RPS6KC1: variants seen among roughly 807,000 people sequenced by gnomAD.
The protein encoded by RPS6KC1 is ribosomal protein S6 kinase C1.
RPS6KC1 carries 54 observed loss-of-function variants against 103.8 expected under a neutral mutation model. The observed-to-expected ratio is 0.52, with a 90% CI of 0.42 to 0.65. RPS6KC1 has a LOEUF of 0.65. Among genes scored for constraint, RPS6KC1 ranks in the 30% least tolerant of loss-of-function variants. The pLI, the probability that RPS6KC1 is intolerant of heterozygous loss-of-function variation, is 0.00. For missense variants in RPS6KC1, 1,151 were observed against 1,253.8 expected (o/e 0.92, Z 1.24); for synonymous variants, 439 against 438.7 (o/e 1.00, Z -0.01).
chr1:213,710,297 G>A, the RPS6KC1 span, among the ~76,000 whole-genome samples: 13 of 152,046 alleles, frequency 8.6e-5, no homozygotes, highest in African/African-American at 2.7e-4. Context: ...TTTTATCTTC[G>A]TTGGTTTAAA....
rs1188842457 is a variant in RPS6KC1, at chr1:213,274,348, G to A, written c.*1714G>A. 6.6e-6 allele frequency: 1 copy of A among 152,192 alleles called. No homozygotes were observed. The highest frequency in any genetic ancestry group is 2.4e-5 in the African/African-American group (1 of 41,450). The allele number at this position is 152,192 out of a possible 1,614,324, so 9.4% of individuals were successfully genotyped here. A position where few individuals can be genotyped will look rare whatever the true frequency, so the allele number is the denominator to read the frequency against. On this transcript the variant is annotated 3_prime_UTR_variant, in exon 15 of 15. Transcript: ENST00000366960. ...CTGGCCATTACAGAACTTCCTTCCAGAAGTGCCCTGTGACATGAAAGTAGG... is the reference window on the plus strand; with the variant it reads ...CTGGCCATTACAGAACTTCCTTCCAAAAGTGCCCTGTGACATGAAAGTAGG...
chr1:213,081,097 T>G (rs1411746173), intron 3 of RPS6KC1, among the ~76,000 whole-genome samples: 1 of 152,260 alleles, frequency 6.6e-6, no homozygotes, highest in Non-Finnish European at 1.5e-5. Flanking sequence ...GCCTCCAAGA[T>G]AGCCTCCTAT....
the RPS6KC1 span, among the ~76,000 whole-genome samples, chr1:213,836,949 G>A: frequency 6.6e-6 from 1 of 152,204 alleles, no homozygotes; most frequent in Admixed American, 6.5e-5. Flanking sequence ...AGTTCAGGAA[G>A]CACTTCATTT....
At chr1:213,646,363 G>A in the RPS6KC1 span, among the ~76,000 whole-genome samples, 2 of 152,214 alleles carry the variant, frequency 1.3e-5, no homozygotes, top group African/African-American at 4.8e-5. Context: ...AGAGACAGGA[G>A]TGTGGCCTGT....
the RPS6KC1 span, chr1:213,822,130 C>T: frequency 1.3e-5 from 2 of 152,172 alleles, no homozygotes; most frequent in Admixed American, 6.5e-5. Flanking sequence ...GTCCTGTGAG[C>T]CCCTTTGTGC....
chr1:213,671,550 G>A, the RPS6KC1 span, among the ~76,000 whole-genome samples: 1 of 152,244 alleles, frequency 6.6e-6, no homozygotes, highest in African/African-American at 2.4e-5. Flanking sequence ...GAAATGATAC[G>A]AGGCGGGCAT....
the RPS6KC1 span, among the ~76,000 whole-genome samples, chr1:213,336,403 C>T: frequency 1.6e-3 from 251 of 152,294 alleles, 1 homozygote; most frequent in African/African-American, 5.9e-3. Context: ...TATTAAATCC[C>T]TCTATATCAC....
At chr1:213,276,945 G>A (rs937174951), downstream of RPS6KC1, among the ~76,000 whole-genome samples, 4 of 152,114 alleles carry the variant, frequency 2.6e-5, no homozygotes, top group Admixed American at 1.3e-4. Context: ...GTCATATTTT[G>A]TGTGTTTATT....
chr1:213,394,527 C>T, the RPS6KC1 span, among the ~76,000 whole-genome samples: 1 of 152,248 alleles, frequency 6.6e-6, no homozygotes, highest in African/African-American at 2.4e-5. Context: ...CCTTACCTCC[C>T]TCGGTTTGGT....
At chr1:213,412,423 A>G in the RPS6KC1 span, among the ~76,000 whole-genome samples, 4 of 152,234 alleles carry the variant, frequency 2.6e-5, no homozygotes, top group Non-Finnish European at 5.9e-5. Context: ...AGAATGGTCT[A>G]GTTCCTGACC....
At chr1:213,749,055 C>T in the RPS6KC1 span, among the ~76,000 whole-genome samples, 1 of 152,202 alleles carries the variant, frequency 6.6e-6, no homozygotes, top group African/African-American at 2.4e-5. Flanking sequence ...ACAGTCCCTC[C>T]TCCTCTTCCT....
chr1:213,228,877 G>A (rs969746212), intron 8 of RPS6KC1, among the ~76,000 whole-genome samples: 66 of 152,274 alleles, frequency 4.3e-4, no homozygotes, highest in African/African-American at 1.5e-3. Context: ...GAAGTGCTTA[G>A]GAGGTAGAAT....
intron 10 of RPS6KC1, among the ~76,000 whole-genome samples, chr1:213,237,126 C>T (rs538689049): frequency 6.6e-6 from 1 of 152,060 alleles, no homozygotes; most frequent in South Asian, 2.1e-4. Context: ...CATTTTTTCC[C>T]CCATCTCAAA....
chr1:213,058,670 A>G (rs572786221), intron 1 of RPS6KC1, among the ~76,000 whole-genome samples: 8 of 152,274 alleles, frequency 5.3e-5, no homozygotes, highest in East Asian at 1.9e-4. Context: ...GCTTTATACT[A>G]TATCTTAAAA....
chr1:213,235,235 A>C (rs2094196766), intron 10 of RPS6KC1, among the ~76,000 whole-genome samples: 1 of 152,120 alleles, frequency 6.6e-6, no homozygotes, highest in Admixed American at 6.5e-5. Flanking sequence ...CTTTCTTTCC[A>C]TTTTTAATTC....
At chr1:213,694,770 A>G in the RPS6KC1 span, among the ~76,000 whole-genome samples, 22 of 152,252 alleles carry the variant, frequency 1.4e-4, no homozygotes. Flanking sequence ...AATAAAGGGA[A>G]TGAATGCTGG....
chr1:213,255,573 TATA>T (rs1268595235), intron 12 of RPS6KC1, among the ~76,000 whole-genome samples: 4 of 152,176 alleles, frequency 2.6e-5, no homozygotes, highest in Admixed American at 2.0e-4. Context: ...TTAGATTTTT[TATA>T]TAGAGTTTGC....
intron 8 of RPS6KC1, among the ~76,000 whole-genome samples, chr1:213,194,778 C>T (rs1161272347): frequency 6.6e-6 from 1 of 152,174 alleles, no homozygotes; most frequent in Non-Finnish European, 1.5e-5. Context: ...AGTATCATCT[C>T]AAAACCATGC....
At chr1:213,269,279 C>G (rs2094985105) in intron 14 of RPS6KC1, among the ~76,000 whole-genome samples, 1 of 152,092 alleles carries the variant, frequency 6.6e-6, no homozygotes, top group Non-Finnish European at 1.5e-5. Flanking sequence ...TGTATATGCA[C>G]TAATAATGAC....
Sources: allele counts gnomAD v4.1 joint callset (sites outside exome capture counted in the v4.1 genomes callset), GRCh38; gene constraint gnomAD v4.1.1; transcripts MANE v1.5; gene names NCBI Gene and HGNC (gene_info 2026-07-23, HGNC 2026-07-21).